Variants in TPH2 observed in about 807,000 individuals in gnomAD.
The protein encoded by TPH2 is tryptophan 5-hydroxylase 2.
A neutral mutation model predicts 59.1 loss-of-function variants in TPH2; 27 were observed. The observed-to-expected ratio is 0.46, with a 90% CI of 0.34 to 0.63. The LOEUF (loss-of-function observed/expected upper bound fraction) is 0.63. Ranked by LOEUF, TPH2 falls within the 30% of genes least tolerant of loss-of-function variation. TPH2 has a pLI of 0.01. For synonymous variants in TPH2, 220 were observed against 210.5 expected, an observed-to-expected ratio of 1.05 and a Z score of -0.39; for missense variants, 523 against 588.3, an observed-to-expected ratio of 0.89 and a Z score of 1.15.
intron 5 of TPH2, among the ~76,000 whole-genome samples, chr12:71,970,381 T>C (rs573814219): frequency 1.3e-5 from 2 of 152,348 alleles, no homozygotes; most frequent in South Asian, 2.1e-4. Flanking sequence ...GTAACAGACC[T>C]GTATAACAAT....
intron 5 of TPH2, among the ~76,000 whole-genome samples, chr12:71,960,509 G>A (rs532654445): frequency 9.2e-5 from 14 of 152,200 alleles, no homozygotes; most frequent in Non-Finnish European, 1.3e-4. Context: ...TACCTGAAGC[G>A]CAGCTCAGTG....
intron 8 of TPH2, among the ~76,000 whole-genome samples, chr12:72,014,592 T>C (rs1482771398): frequency 6.6e-6 from 1 of 152,050 alleles, no homozygotes; most frequent in Non-Finnish European, 1.5e-5. Flanking sequence ...GGTTTCGCCA[T>C]GTTGGCCAGG....
intron 7 of TPH2, among the ~76,000 whole-genome samples, chr12:71,985,151 A>G (rs1045710334): frequency 1.3e-5 from 2 of 152,218 alleles, no homozygotes; most frequent in African/African-American, 4.8e-5. Context: ...TTAATAGATG[A>G]GGAAATAAGA....
chr12:72,025,646 A>G (rs1281527781), intron 9 of TPH2, among the ~76,000 whole-genome samples: 2 of 152,158 alleles, frequency 1.3e-5, no homozygotes, highest in African/African-American at 2.4e-5. Flanking sequence ...TCTTATTCTA[A>G]TGATCTGTTC....
At chr12:71,967,481 T>C (rs1380123010) in intron 5 of TPH2, among the ~76,000 whole-genome samples, 1 of 152,254 alleles carries the variant, frequency 6.6e-6, no homozygotes, top group Non-Finnish European at 1.5e-5. Flanking sequence ...TCGATGCTCA[T>C]ACAATCTTAG....
chr12:72,026,348 G>C (rs1178844302), intron 9 of TPH2, among the ~76,000 whole-genome samples: 1 of 152,064 alleles, frequency 6.6e-6, no homozygotes, highest in East Asian at 1.9e-4. Flanking sequence ...AGGATATCTT[G>C]CATGGCAAAT....
At chr12:71,946,408 C>T (rs1352983806) in intron 4 of TPH2, among the ~76,000 whole-genome samples, 4 of 152,078 alleles carry the variant, frequency 2.6e-5, no homozygotes, top group African/African-American at 9.7e-5. Context: ...AACCACTGAC[C>T]TTGCTGAGAA....
At position 71,941,720 on chromosome 12, in the gene TPH2, T is replaced by C. The variant is rs747112638; in HGVS notation, c.242T>C (p.Leu81Pro). ...GAAGTTGGTGGATTGGTAAAAGCAC[T>C]GAGGCTCTTTCAGGTGAATGTGAAA... ...KNEVGGLVKA[L>P]RLFQEKRVNM... The change falls in exon 2 of 11, where the codon CTG becomes CCG. Residue 81 changes from leucine to proline, a missense_variant. Coordinates refer to ENST00000333850, the MANE Select transcript of TPH2 (RefSeq NM_173353.4). 1 of 1,614,042 alleles carries C rather than the reference T, an allele frequency of 6.2e-7. No individual in the cohort carries two copies. The highest frequency in any genetic ancestry group is 2.2e-5 in the East Asian group (1 of 44,884).
intron 1 of TPH2, among the ~76,000 whole-genome samples, chr12:71,940,261 A>G (rs1193240923): frequency 6.6e-6 from 1 of 152,198 alleles, no homozygotes; most frequent in Non-Finnish European, 1.5e-5. Flanking sequence ...AGGAGGAGGC[A>G]GATGTTAAGA....
chr12:71,980,617 C>T (rs1164291750), intron 7 of TPH2, among the ~76,000 whole-genome samples: 1 of 152,032 alleles, frequency 6.6e-6, no homozygotes, highest in Non-Finnish European at 1.5e-5. Flanking sequence ...GGAGTGAGTG[C>T]TCAAAGAAGC....
Position 72,031,691 on chromosome 12 carries a change from T to A in TPH2, c.1469T>A (p.Ile490Asn). ...AACAAAATGAACCAATATCTGGGGATTTGATGCCTGGAACTATGTTGTTGC... is the reference window on the plus strand; with the variant it reads ...AACAAAATGAACCAATATCTGGGGAATTGATGCCTGGAACTATGTTGTTGC... The part of the protein sequence containing the change: ...ALNKMNQYLG[I>N] The change falls in exon 11 of 11, where the codon ATT (isoleucine) becomes AAT (asparagine). Residue 490 changes from isoleucine (I) to asparagine (N), a missense_variant. By Grantham distance (149) the Ile-to-Asn change is moderately radical. Transcript: ENST00000333850. The A allele has an allele frequency of 6.2e-7, 1 of 1,613,398 alleles. No homozygotes were observed. Among genetic ancestry groups the A allele is most frequent in the East Asian group, 2.2e-5 (1 of 44,874 alleles).
At chr12:71,960,717 C>T (rs890657277) in intron 5 of TPH2, among the ~76,000 whole-genome samples, 1 of 152,194 alleles carries the variant, frequency 6.6e-6, no homozygotes, top group African/African-American at 2.4e-5. Context: ...GTATCACTTA[C>T]TGACAAGGAC....
At chr12:71,987,586 C>A (rs1367196016) in intron 7 of TPH2, among the ~76,000 whole-genome samples, 1 of 152,146 alleles carries the variant, frequency 6.6e-6, no homozygotes, top group African/African-American at 2.4e-5. Context: ...CGGTGGCTCA[C>A]GCCTGTAATC....
At chr12:71,995,347 C>T (rs1872668559) in intron 8 of TPH2, among the ~76,000 whole-genome samples, 1 of 152,010 alleles carries the variant, frequency 6.6e-6, no homozygotes, top group African/African-American at 2.4e-5. Context: ...CAACCCATTA[C>T]CTACAGGGAC....
chr12:72,031,668 C>T lies in TPH2; in HGVS notation c.1446C>T (p.Asn482=). Residue 482 remains asparagine, a synonymous_variant, in exon 11 of 11, where the codon AAC becomes AAT. Coordinates refer to ENST00000333850, the MANE Select transcript of TPH2 (RefSeq NM_173353.4). ...TGAATACAGTGTGTGATGCTTTAAA[C>T]AAAATGAACCAATATCTGGGGATTT... ...SDLNTVCDAL[N]KMNQYLGI The T allele has an allele frequency of 6.8e-6, 11 of 1,613,482 alleles. No individual in the cohort carries two copies. The highest frequency in any genetic ancestry group is 9.3e-6 in the Non-Finnish European group (11 of 1,179,470).
Position 71,989,678 on chromosome 12 carries a change from A to G in TPH2, c.942-4761A>G, listed in dbSNP as rs1872533338. Among the ~76,000 whole-genome samples, 5 of 152,356 alleles carry G rather than the reference A, an allele frequency of 3.3e-5. No homozygotes were observed. In the South Asian group the frequency reaches 1.0e-3, roughly 32 times the overall value. ...AACAAAAATAAAAAGGAGTTGTTCA[A>G]CGCGTAGTGTGAAGAGTCAGCTTTG... On this transcript the variant is annotated intron_variant, in intron 7 of 10. Coordinates refer to ENST00000333850, the MANE Select transcript of TPH2 (RefSeq NM_173353.4).
chr12:71,954,621 T>C (rs1871443625), intron 5 of TPH2, among the ~76,000 whole-genome samples: 1 of 152,182 alleles, frequency 6.6e-6, no homozygotes, highest in Non-Finnish European at 1.5e-5. Context: ...TAGTAGTTGT[T>C]AGGTTTGTCT....
intron 8 of TPH2, among the ~76,000 whole-genome samples, chr12:72,009,065 A>G (rs772424289): frequency 6.6e-6 from 1 of 152,212 alleles, no homozygotes; most frequent in Non-Finnish European, 1.5e-5. Flanking sequence ...AAACAAAAAC[A>G]GAAACAAAAA....
At chr12:71,993,498 G>A (rs576971637) in intron 7 of TPH2, among the ~76,000 whole-genome samples, 44 of 152,218 alleles carry the variant, frequency 2.9e-4, no homozygotes, top group African/African-American at 1.0e-3. Flanking sequence ...ATTATTCATG[G>A]CAATGACTCA....
Sources: gnomAD v4.1 joint callset for allele counts (sites outside exome capture counted in the v4.1 genomes callset) on GRCh38, gnomAD v4.1.1 for gene constraint, MANE v1.5 for transcripts, NCBI Gene and HGNC (gene_info 2026-07-23, HGNC 2026-07-21) for gene names.